The following TYRO3 variants were observed in gnomAD, a reference collection of about 807,000 sequenced individuals.
The protein encoded by TYRO3 is tyrosine-protein kinase receptor TYRO3.
Under a neutral mutation model 95.2 loss-of-function variants are expected in TYRO3, and 38 were observed. The observed-to-expected ratio is 0.40, with a 90% CI of 0.31 to 0.52. The LOEUF (loss-of-function observed/expected upper bound fraction) is 0.52. TYRO3 is among the 20% of genes least tolerant of loss of function. The pLI is 0.56. For synonymous variants in TYRO3, 367 were observed against 432.9 expected, an observed-to-expected ratio of 0.85 and a Z score of 1.89; for missense variants, 812 against 1,116.4, an observed-to-expected ratio of 0.73 and a Z score of 3.89.
At chr15:41,564,056 G>T in intron 4 of TYRO3, 128 bp from the exon 5 acceptor site, 1 of 860,500 alleles carries the variant, frequency 1.2e-6, no homozygotes. Context: ...GTACCTCACT[G>T]CCCAGCCCCT....
chr15:41,565,358 A>G (rs2055708362), intron 6 of TYRO3, among the ~76,000 whole-genome samples: 1 of 152,056 alleles, frequency 6.6e-6, no homozygotes, highest in Non-Finnish European at 1.5e-5. Context: ...TGCATTCATA[A>G]GGTTGGAAAG....
chr15:41,563,867 T>C (rs1447728506), intron 4 of TYRO3, among the ~76,000 whole-genome samples: 1 of 152,172 alleles, frequency 6.6e-6, no homozygotes, highest in Non-Finnish European at 1.5e-5. Flanking sequence ...GGGCAATTTG[T>C]GCTGTGTGTG....
rs1329289389 is a variant in TYRO3 at position 41,580,143 on chromosome 15, G to A, written c.*1867G>A. On this transcript the variant is annotated 3_prime_UTR_variant, in exon 19 of 19. Coordinates refer to ENST00000263798, the MANE Select transcript of TYRO3 (RefSeq NM_006293.4). ...TCTGCATTGAGCACAAAATGCTTTT[G>A]TAATTAGATACAGGATCCCAATGAA... 6.6e-6 allele frequency: 1 copy of A among 151,698 alleles called. No homozygotes were observed. The highest frequency in any genetic ancestry group is 1.5e-5 in the Non-Finnish European group (1 of 67,904). 9.4% of individuals were successfully genotyped at this position (151,698 alleles called of 1,614,324 possible).
Position 41,562,691 on chromosome 15 carries a change from C to T in TYRO3, c.553C>T (p.Pro185Ser). Residue 185 changes from proline to serine, a missense_variant, in exon 4 of 19, where the codon CCC (proline) becomes TCC (serine). Physicochemically the swap from Pro to Ser is moderately conservative, Grantham distance 74. Transcript: ENST00000263798. Reference sequence around the variant, plus strand: ...AACTACGAAGATCGGGGGACCCGCTCCCTCTCCATCTGTTTTAAATGTAAC... The same window carrying T: ...AACTACGAAGATCGGGGGACCCGCTTCCTCTCCATCTGTTTTAAATGTAAC... ...RGTTKIGGPA[P>S]SPSVLNVTGV... The T allele has an allele frequency of 6.2e-7, 1 of 1,613,666 alleles. No homozygotes were observed.
At chr15:41,577,566 G>A (rs530178870) in intron 18 of TYRO3, 2 of 187,418 alleles carry the variant, frequency 1.1e-5, no homozygotes, top group East Asian at 1.3e-4. Context: ...CTGACCTCAG[G>A]TGATCTGCCT....
intron 7 of TYRO3, among the ~76,000 whole-genome samples, chr15:41,567,747 A>G (rs2055742468): frequency 1.3e-5 from 2 of 152,236 alleles, no homozygotes; most frequent in Non-Finnish European, 2.9e-5. Flanking sequence ...TGTGGTTGAT[A>G]AAGAGTGTCC....
chr15:41,575,804 C>A (rs550120366), intron 18 of TYRO3, among the ~76,000 whole-genome samples: 1 of 152,224 alleles, frequency 6.6e-6, no homozygotes, highest in African/African-American at 2.4e-5. Context: ...TTATAAGGTT[C>A]CTGAAATTGT....
rs1005540693 is a variant in TYRO3, at chr15:41,572,442, G to C, written c.1754-1G>C. On this transcript the variant is annotated splice_acceptor_variant, in intron 14 of 18. Coordinates refer to ENST00000263798, the MANE Select transcript of TYRO3 (RefSeq NM_006293.4). LOFTEE classifies it high-confidence loss of function. ...CAGCTCCTGACTCTCCCTTGTCCCA[G>C]GGGTAAGCCTCCGGAGCAGGGCTAA... The C allele has an allele frequency of 6.2e-7, 1 of 1,614,082 alleles. No homozygotes were observed.
chr15:41,564,752 C>T, intron 5 of TYRO3: 1 of 460,460 alleles, frequency 2.2e-6, no homozygotes, highest in Non-Finnish European at 4.0e-6. Flanking sequence ...GTGCTGCCCC[C>T]ACATACCCTC....
At chr15:41,564,963 C>A in intron 5 of TYRO3, 63 bp from the exon 6 acceptor site, 2 of 1,130,448 alleles carry the variant, frequency 1.8e-6, no homozygotes, top group African/African-American at 1.5e-5. Context: ...GCTTGACTCC[C>A]ATGCCTCCTG....
intron 1 of TYRO3, among the ~76,000 whole-genome samples, chr15:41,560,922 G>A (rs971637905): frequency 6.6e-6 from 1 of 152,194 alleles, no homozygotes; most frequent in African/African-American, 2.4e-5. Flanking sequence ...AGAGCCGGAG[G>A]GAACTTGGAG....
At chr15:41,573,147 C>A (rs774444303) in intron 16 of TYRO3, 36 bp downstream of exon 16, 25 of 1,241,378 alleles carry the variant, frequency 2.0e-5, no homozygotes, top group Non-Finnish European at 2.8e-5. Flanking sequence ...TGGGAGACAG[C>A]AGCAGGTGCC....
At position 41,580,360 on chromosome 15, in the gene TYRO3, T is replaced by G. The variant is rs2055909318; in HGVS notation, c.*2084T>G. On this transcript the variant is annotated 3_prime_UTR_variant, in exon 19 of 19. Transcript: ENST00000263798. ...CCCGTCTTTACTAAAAATACAAAAATTAGCTGGGCATGGTGGCGCGTGTCT... is the reference window on the plus strand; with the variant it reads ...CCCGTCTTTACTAAAAATACAAAAAGTAGCTGGGCATGGTGGCGCGTGTCT... 6.6e-6 allele frequency: 1 copy of G among 151,924 alleles called. No individual in the cohort carries two copies. The highest frequency in any genetic ancestry group is 1.5e-5 in the Non-Finnish European group (1 of 68,002). The allele number at this position is 151,924 out of a possible 1,614,324, so 9.4% of individuals were successfully genotyped here. A position where few individuals can be genotyped will look rare whatever the true frequency, so the allele number is the denominator to read the frequency against.
Position 41,565,059 on chromosome 15 carries a change from C to T in TYRO3, c.701C>T (p.Thr234Ile). Residue 234 changes from threonine to isoleucine, a missense_variant, in exon 6 of 19, where the codon ACA becomes ATA. Thr to Ile is a moderately conservative substitution (Grantham distance 89, BLOSUM62 -1). Transcript: ENST00000263798. The stretch of plus-strand genomic sequence containing the variant: ...GCAGCCCCCTTCAACATCACCGTGA[C>T]AAAGCTTTCCAGCAGCAACGCTAGT... ...LPAAPFNITV[T>I]KLSSSNASVA... 6.2e-7 allele frequency: 1 copy of T among 1,613,088 alleles called. No individual in the cohort carries two copies. Among genetic ancestry groups the T allele is most frequent in the Non-Finnish European group, 8.5e-7 (1 of 1,179,990 alleles).
In TYRO3 at chr15:41,583,343, T is replaced by A. The variant is rs1283086614; in HGVS notation, c.*5067T>A. 4 of 151,526 alleles carry A rather than the reference T, an allele frequency of 2.6e-5. No homozygotes were observed. The highest frequency in any genetic ancestry group is 9.7e-5 in the African/African-American group (4 of 41,380). 9.4% of individuals were successfully genotyped at this position (151,526 alleles called of 1,614,324 possible). ...TGGAGTCTTGCTTTGTTGCCCAGGC[T>A]GGTCTTGAACTCTGGGCTGAAGCGA... On this transcript the variant is annotated 3_prime_UTR_variant, in exon 19 of 19. Coordinates refer to ENST00000263798, the MANE Select transcript of TYRO3 (RefSeq NM_006293.4).
At chr15:41,562,331 C>CAAAAAAAAAAAAA (rs11363130) in intron 3 of TYRO3, 1 of 167,212 alleles carries the variant, frequency 6.0e-6, no homozygotes, top group African/African-American at 4.0e-5. Flanking sequence ...CGACCAATCT[C>CAAAAAAAAAAAAA]AAAAAAAAAA....
intron 1 of TYRO3, among the ~76,000 whole-genome samples, chr15:41,560,317 A>C (rs1398888743): frequency 6.6e-6 from 1 of 151,662 alleles, no homozygotes; most frequent in Non-Finnish European, 1.5e-5. Flanking sequence ...GCAGGGCTGG[A>C]TTTCAGTTAT....
intron 8 of TYRO3, 96 bp from the exon 9 acceptor site, chr15:41,568,782 C>T: frequency 6.9e-7 from 1 of 1,454,782 alleles, no homozygotes; most frequent in East Asian, 2.5e-5. Context: ...CCCCTATACT[C>T]CCATGTTCCC....
rs915230404 is a variant in TYRO3, at chr15:41,561,203, G to T, written c.201G>T (p.Glu67Asp). Residue 67 changes from glutamate to aspartate, a missense_variant, in exon 2 of 19, where the codon GAG becomes GAT. Physicochemically the swap from Glu to Asp is conservative, Grantham distance 45 (BLOSUM62 2). Transcript: ENST00000263798. ...CGGTGAAGCTCAACTGCAGTGTGGA[G>T]GGGATGGAGGAGCCTGACATCCAGT... ...GQPVKLNCSV[E>D]GMEEPDIQWV... 1 of 1,614,150 alleles carries T rather than the reference G, an allele frequency of 6.2e-7. No individual in the cohort carries two copies. Among genetic ancestry groups the T allele is most frequent in the African/African-American group, 1.3e-5 (1 of 74,944 alleles).
Sources: allele counts gnomAD v4.1 joint callset (sites outside exome capture counted in the v4.1 genomes callset), GRCh38; gene constraint gnomAD v4.1.1; transcripts MANE v1.5; gene names NCBI Gene and HGNC (gene_info 2026-07-23, HGNC 2026-07-21).